TANC2: variants seen among roughly 807,000 people sequenced by gnomAD.
The protein encoded by TANC2 is tetratricopeptide repeat, ankyrin repeat and coiled-coil containing 2.
TANC2 carries 26 observed loss-of-function variants against 210.5 expected under a neutral mutation model. The observed-to-expected ratio is 0.12, with a 90% CI of 0.09 to 0.17. The LOEUF (loss-of-function observed/expected upper bound fraction) is 0.17. Among genes scored for constraint, TANC2 ranks in the 10% least tolerant of loss-of-function variants. TANC2 has a pLI of 1.00. For missense variants in TANC2, 2,129 were observed against 2,608.9 expected (o/e 0.82, Z 4.01); for synonymous variants, 931 against 967.1 (o/e 0.96, Z 0.69).
At chr17:63,105,202 G>A (rs2037779575) in intron 4 of TANC2, among the ~76,000 whole-genome samples, 1 of 151,610 alleles carries the variant, frequency 6.6e-6, no homozygotes, top group Non-Finnish European at 1.5e-5. Flanking sequence ...TAATCTCTGG[G>A]ATAAAAAATG....
At position 63,421,774 on chromosome 17, in the gene TANC2, G is replaced by A. The variant is rs370863314; in HGVS notation, c.6044G>A (p.Arg2015His). 301 of 1,613,914 alleles carry A rather than the reference G, an allele frequency of 1.9e-4. No individual in the cohort carries two copies. The highest frequency in any genetic ancestry group is 2.4e-4 in the Non-Finnish European group (279 of 1,179,896). Residue 2015 changes from arginine to histidine, a missense_variant, in exon 28 of 28, where the codon CGT (arginine) becomes CAT (histidine). This residue lies in a region of TANC2 where 161 missense variants were observed against 178.6 expected (regional missense o/e 0.90). Transcript: ENST00000689528. The surrounding 1 kb of genome is among the most constrained non-coding windows in gnomAD (Gnocchi z 6.9). ...CATGGGATGCTGGCTAACGGGTCTCGTGGAGACCTCTTGGAGCGAGTCAGC... is the reference window on the plus strand; with the variant it reads ...CATGGGATGCTGGCTAACGGGTCTCATGGAGACCTCTTGGAGCGAGTCAGC...
chr17:63,179,538 A>G (rs1018341876), intron 5 of TANC2, among the ~76,000 whole-genome samples: 1 of 152,176 alleles, frequency 6.6e-6, no homozygotes, highest in Non-Finnish European at 1.5e-5. Flanking sequence ...CACTACTACT[A>G]CTAATAGTAC....
At chr17:63,367,938 A>G (rs2047157587) in intron 14 of TANC2, among the ~76,000 whole-genome samples, 1 of 152,212 alleles carries the variant, frequency 6.6e-6, no homozygotes, top group African/African-American at 2.4e-5. Context: ...TGTGAAAGAT[A>G]GCTCTGACAA....
At chr17:63,019,496 G>A (rs1008108525) in intron 2 of TANC2, among the ~76,000 whole-genome samples, 1 of 152,132 alleles carries the variant, frequency 6.6e-6, no homozygotes, top group African/African-American at 2.4e-5. Flanking sequence ...GGGATTACAG[G>A]TGTGAGATAC....
At chr17:63,287,635 G>C (rs1053210484) in intron 9 of TANC2, among the ~76,000 whole-genome samples, 1 of 151,800 alleles carries the variant, frequency 6.6e-6, no homozygotes, top group Non-Finnish European at 1.5e-5. Flanking sequence ...TAATTGTTTG[G>C]TACTTCTGAG....
chr17:63,062,185 G>T (rs1260135286), intron 2 of TANC2, among the ~76,000 whole-genome samples: 1 of 151,778 alleles, frequency 6.6e-6, no homozygotes, highest in Non-Finnish European at 1.5e-5. Flanking sequence ...ATGCTTTCTT[G>T]TTGATCATTT....
At chr17:63,248,062 G>A (rs566815177) in intron 8 of TANC2, among the ~76,000 whole-genome samples, 1 of 152,200 alleles carries the variant, frequency 6.6e-6, no homozygotes, top group Admixed American at 6.5e-5. Flanking sequence ...CCTGCTAAAT[G>A]TATAATGTAT....
chr17:63,237,403 T>A (rs1413106787), intron 7 of TANC2, among the ~76,000 whole-genome samples: 7 of 152,158 alleles, frequency 4.6e-5, no homozygotes, highest in Non-Finnish European at 1.0e-4. Flanking sequence ...ATATATTTTC[T>A]CCCATTCTGC....
intron 8 of TANC2, among the ~76,000 whole-genome samples, chr17:63,252,006 C>T (rs1344871079): frequency 6.6e-6 from 1 of 152,060 alleles, no homozygotes; most frequent in Non-Finnish European, 1.5e-5. Flanking sequence ...ATTTTACAAA[C>T]CACCAGCTTT....
chr17:63,195,936 C>T lies in TANC2; in HGVS notation c.582+1797C>T, dbSNP rs777459476. Among the ~76,000 whole-genome samples, 95 of 152,220 alleles carry T rather than the reference C, an allele frequency of 6.2e-4. 1 individual carries two copies. Among genetic ancestry groups the T allele is most frequent in the Non-Finnish European group, 1.0e-3 (69 of 67,998 alleles). On this transcript the variant is annotated intron_variant, in intron 6 of 27. Coordinates refer to ENST00000689528, the Ensembl canonical transcript of TANC2. ...TCTCCAGCTACATTGGCCTCCTTGT[C>T]GTTCGCCAGTCACATCAGCTATATT...
At chr17:63,338,994 G>C (rs2046132133) in intron 11 of TANC2, 1 of 152,278 alleles carries the variant, frequency 6.6e-6, no homozygotes, top group Non-Finnish European at 1.5e-5. Context: ...CTCGAAGAGA[G>C]GCCTGAAGAG....
intron 19 of TANC2, among the ~76,000 whole-genome samples, chr17:63,401,256 C>A (rs2048334960): frequency 6.6e-6 from 1 of 152,194 alleles, no homozygotes; most frequent in Non-Finnish European, 1.5e-5. Flanking sequence ...GGGCTCATAT[C>A]TGCAACCAGG....
chr17:63,276,993 A>G (rs1343232415), intron 9 of TANC2, among the ~76,000 whole-genome samples: 1 of 152,134 alleles, frequency 6.6e-6, no homozygotes, highest in Non-Finnish European at 1.5e-5. Flanking sequence ...GATGGCAAAG[A>G]CTGTTGAATA....
At chr17:63,098,947 T>G (rs565539111) in intron 3 of TANC2, among the ~76,000 whole-genome samples, 1 of 152,206 alleles carries the variant, frequency 6.6e-6, no homozygotes, top group Non-Finnish European at 1.5e-5. Context: ...TCTCATGAGA[T>G]AGTGAACACC....
At chr17:63,259,387 A>G (rs1191774190) in intron 8 of TANC2, among the ~76,000 whole-genome samples, 2 of 152,150 alleles carry the variant, frequency 1.3e-5, no homozygotes, top group Non-Finnish European at 2.9e-5. Context: ...AAAACCAGGT[A>G]CTAGGATTGC....
At chr17:63,380,166 A>G (rs571216082) in intron 15 of TANC2, among the ~76,000 whole-genome samples, 1 of 152,346 alleles carries the variant, frequency 6.6e-6, no homozygotes, top group East Asian at 1.9e-4. Flanking sequence ...TGTCTAAAAA[A>G]TCACTGAGGG....
Position 63,181,754 on chromosome 17 carries a change from A to G in TANC2, c.434-12237A>G, listed in dbSNP as rs544549989. On this transcript the variant is annotated intron_variant, in intron 5 of 27. Transcript: ENST00000689528. Reference sequence around the variant, plus strand: ...CCCCTCTCCAAGTGGATTCACCAGCATCTGTCAACCAGAAAAGCTGGAGAG... The same window carrying G: ...CCCCTCTCCAAGTGGATTCACCAGCGTCTGTCAACCAGAAAAGCTGGAGAG... Among the ~76,000 whole-genome samples the G allele has an allele frequency of 1.1e-3, 171 of 152,346 alleles. 2 individuals are homozygous for G. The highest frequency in any genetic ancestry group is 3.8e-3 in the African/African-American group (158 of 41,576).
At chr17:63,024,137 G>T (rs917970442) in intron 2 of TANC2, among the ~76,000 whole-genome samples, 2 of 152,112 alleles carry the variant, frequency 1.3e-5, no homozygotes, top group Non-Finnish European at 2.9e-5. Context: ...AAGGGGTCCC[G>T]ATCCAGAGCC....
chr17:63,287,076 C>G (rs2044245656), intron 9 of TANC2, among the ~76,000 whole-genome samples: 1 of 151,910 alleles, frequency 6.6e-6, no homozygotes, highest in African/African-American at 2.4e-5. Context: ...TGCATTACAC[C>G]CAGCCGCCAC....
Sources: gnomAD v4.1 joint callset for allele counts (sites outside exome capture counted in the v4.1 genomes callset) on GRCh38, gnomAD v4.1.1 for gene constraint, gnomAD v4.1.1 regional missense constraint, Gnocchi (gnomAD v3.1) non-coding constraint, MANE v1.5 for transcripts, NCBI Gene and HGNC (gene_info 2026-07-23, HGNC 2026-07-21) for gene names.